The following PDGFRL variants were observed in gnomAD, a reference collection of about 807,000 sequenced individuals.
PDGFRL encodes the protein platelet derived growth factor receptor like.
PDGFRL carries 46 observed loss-of-function variants against 37.2 expected under a neutral mutation model. The observed-to-expected ratio is 1.24, with a 90% CI of 0.98 to 1.58. The LOEUF (loss-of-function observed/expected upper bound fraction) is 1.58. PDGFRL is among the 40% of genes most tolerant of loss of function. The pLI is 0.00. For synonymous variants in PDGFRL, 251 were observed against 184.3 expected (o/e 1.36, Z -2.93); for missense variants, 692 against 467.6 (o/e 1.48, Z -4.43).
In PDGFRL at chr8:17,628,626, G is replaced by T. The variant is rs1168145383; in HGVS notation, c.645G>T (p.Glu215Asp). Residue 215 changes from glutamate (E) to aspartate (D), a missense_variant, in exon 4 of 6, where the codon GAG becomes GAT. Transcript: ENST00000251630. ...TCCACAGGGAATTCCCAGCCAAGGA[G>T]ATCCCAGCCAATGGAACGGACATTG... ...VTLHREFPAK[E>D]IPANGTDIVY... 5 of 1,614,092 alleles carry T rather than the reference G, an allele frequency of 3.1e-6. No homozygotes were observed. Among genetic ancestry groups the T allele is most frequent in the Admixed American group, 1.7e-5 (1 of 60,006 alleles).
At chr8:17,641,578 A>G (rs942658475) in intron 5 of PDGFRL, among the ~76,000 whole-genome samples, 2 of 152,198 alleles carry the variant, frequency 1.3e-5, no homozygotes, top group Non-Finnish European at 2.9e-5. Context: ...AGACCACGCC[A>G]AAAAGGTGCT....
chr8:17,630,316 C>T (rs963222238), intron 4 of PDGFRL, among the ~76,000 whole-genome samples: 2 of 152,156 alleles, frequency 1.3e-5, no homozygotes, highest in Non-Finnish European at 2.9e-5. Flanking sequence ...TTCAATGTGG[C>T]CATTTTAGTG....
intron 2 of PDGFRL, among the ~76,000 whole-genome samples, chr8:17,613,638 G>A (rs1197479024): frequency 2.0e-5 from 3 of 152,186 alleles, no homozygotes; most frequent in Admixed American, 1.3e-4. Flanking sequence ...AGCACTTTGG[G>A]AGGCCGAGGC....
At chr8:17,590,252 A>AC (rs1803908017) in intron 2 of PDGFRL, among the ~76,000 whole-genome samples, 1 of 148,486 alleles carries the variant, frequency 6.7e-6, no homozygotes, top group African/African-American at 2.4e-5. Flanking sequence ...AAAAAAAAAA[A>AC]AAAATTGCAA....
intron 5 of PDGFRL, among the ~76,000 whole-genome samples, chr8:17,640,232 C>T (rs1345886355): frequency 6.6e-6 from 1 of 152,190 alleles, no homozygotes. Flanking sequence ...TTCTCTGATG[C>T]CTCCTTGAGT....
intron 2 of PDGFRL, chr8:17,596,179 G>A: frequency 2.4e-6 from 1 of 409,878 alleles, no homozygotes; most frequent in Non-Finnish European, 4.2e-6. Context: ...GAGGCAGTTA[G>A]GAGCCCACAT....
intron 3 of PDGFRL, among the ~76,000 whole-genome samples, chr8:17,624,912 C>T (rs915948075): frequency 6.6e-6 from 1 of 152,136 alleles, no homozygotes; most frequent in African/African-American, 2.4e-5. Context: ...GAGACTGTCT[C>T]AAAATACTGA....
At chr8:17,631,440 G>A (rs757813419) in intron 4 of PDGFRL, among the ~76,000 whole-genome samples, 1 of 152,000 alleles carries the variant, frequency 6.6e-6, no homozygotes, top group Non-Finnish European at 1.5e-5. Context: ...GTCATGCCTC[G>A]TGTTCTCAGC....
At chr8:17,627,548 C>T (rs932675590) in intron 3 of PDGFRL, among the ~76,000 whole-genome samples, 1 of 151,086 alleles carries the variant, frequency 6.6e-6, no homozygotes, top group Non-Finnish European at 1.5e-5. Flanking sequence ...CTCACAGCAA[C>T]CTCTGCTGCC....
chr8:17,641,064 C>A (rs1805081974), intron 5 of PDGFRL, among the ~76,000 whole-genome samples: 1 of 152,110 alleles, frequency 6.6e-6, no homozygotes. Flanking sequence ...GGAAAGCCAG[C>A]AGTTACAGGC....
At chr8:17,631,871 G>C (rs1336591609) in intron 4 of PDGFRL, among the ~76,000 whole-genome samples, 1 of 152,252 alleles carries the variant, frequency 6.6e-6, no homozygotes, top group African/African-American at 2.4e-5. Flanking sequence ...GCTCCCCCAG[G>C]CACCCTTCTT....
chr8:17,634,240 CCTGCGTCTCAGCCT>C (rs773630536), intron 5 of PDGFRL, 27 bp downstream of exon 5: 2 of 1,575,596 alleles, frequency 1.3e-6, no homozygotes, highest in Non-Finnish European at 1.7e-6. Flanking sequence ...CATCTCAGCC[CCTGCGTCTCAGCCT>C]CTGCATCTCA....
Position 17,628,488 on chromosome 8 carries a change from G to C in PDGFRL, c.507G>C (p.Glu169Asp), listed in dbSNP as rs1426429165. 6.2e-7 allele frequency: 1 copy of C among 1,612,372 alleles called. No homozygotes were observed. Residue 169 changes from glutamate (E) to aspartate (D), a missense_variant and splice_region_variant, in exon 4 of 6, where the codon GAG becomes GAC. Transcript: ENST00000251630. The stretch of plus-strand genomic sequence containing the variant: ...CCTGTGTCTTCCTTCCCTTTGCAGA[G>C]AAAGGAGAACTCTTTGTACCTTCTC... Reference protein sequence around the residue: ...KTGSTYIFFTEKGELFVPSPS... With the variant: ...KTGSTYIFFTDKGELFVPSPS...
chr8:17,601,960 C>T (rs935617316), intron 2 of PDGFRL, among the ~76,000 whole-genome samples: 3 of 152,168 alleles, frequency 2.0e-5, no homozygotes, highest in Non-Finnish European at 4.4e-5. Context: ...GTAGAACTAT[C>T]TATATTCCTT....
At chr8:17,605,668 T>C (rs1221397105) in intron 2 of PDGFRL, among the ~76,000 whole-genome samples, 1 of 152,106 alleles carries the variant, frequency 6.6e-6, no homozygotes, top group Non-Finnish European at 1.5e-5. Context: ...TTCAGCTATG[T>C]TGTCAGCAAC....
intron 2 of PDGFRL, among the ~76,000 whole-genome samples, chr8:17,615,574 C>T (rs139893349): frequency 1.1e-4 from 16 of 152,240 alleles, no homozygotes; most frequent in Non-Finnish European, 1.5e-4. Flanking sequence ...GTACCTCCAA[C>T]TTAATGTAGC....
intron 1 of PDGFRL, 38 bp downstream of exon 1, chr8:17,577,345 C>T (rs1308142877): frequency 6.3e-7 from 1 of 1,576,800 alleles, no homozygotes. Context: ...TAGCTTGTGC[C>T]CTGACTTTAG....
In PDGFRL at chr8:17,621,211, C is replaced by T. The variant is rs761695489; in HGVS notation, c.505+9C>T. 2.5e-6 allele frequency: 4 copies of T among 1,593,218 alleles called. No homozygotes were observed. The African/African-American group carries it at 4.0e-5, about 16-fold the overall frequency. On this transcript the variant is annotated intron_variant, in intron 3 of 5. Transcript: ENST00000251630. ...CTACATCTTTTTTACAGGTAAAATACTTGGTGCATTAATGGAACTCTTCAA... is the reference window on the plus strand; with the variant it reads ...CTACATCTTTTTTACAGGTAAAATATTTGGTGCATTAATGGAACTCTTCAA...
chr8:17,627,375 G>C (rs1008097692), intron 3 of PDGFRL, among the ~76,000 whole-genome samples: 1 of 152,114 alleles, frequency 6.6e-6, no homozygotes, highest in African/African-American at 2.4e-5. Context: ...ATCTACATGA[G>C]TGGATGTAAA....
Sources: allele counts gnomAD v4.1 joint callset (sites outside exome capture counted in the v4.1 genomes callset), GRCh38; gene constraint gnomAD v4.1.1; transcripts MANE v1.5; gene names NCBI Gene and HGNC (gene_info 2026-07-23, HGNC 2026-07-21).